The following RCAN2 variants were observed in gnomAD, a reference collection of about 807,000 sequenced individuals.
RCAN2 encodes the protein calcipressin-2.
Under a neutral mutation model 23.6 loss-of-function variants are expected in RCAN2, and 9 were observed. That is an observed-to-expected ratio of 0.38 (90% CI 0.23 to 0.67). The LOEUF (loss-of-function observed/expected upper bound fraction) is 0.67. Ranked by LOEUF, RCAN2 falls within the 30% of genes least tolerant of loss-of-function variation. The probability of loss-of-function intolerance (pLI) is 0.51; values close to 1 mark genes in which losing one functional copy is unlikely to be tolerated. For synonymous variants in RCAN2, 109 were observed against 115.7 expected, an observed-to-expected ratio of 0.94 and a Z score of 0.37; for missense variants, 273 against 302.3, an observed-to-expected ratio of 0.90 and a Z score of 0.72.
chr6:46,343,520 T>G (rs2150374202), intron 2 of RCAN2, among the ~76,000 whole-genome samples: 1 of 151,778 alleles, frequency 6.6e-6, no homozygotes, highest in South Asian at 2.1e-4. Context: ...GGACTACAGG[T>G]GCCCGTCACC....
chr6:46,296,083 GTGTGTGTGTGTGTGTGTGTGTC>G (rs1209707764), intron 2 of RCAN2, among the ~76,000 whole-genome samples: 335 of 151,026 alleles, frequency 2.2e-3, no homozygotes, highest in African/African-American at 5.7e-3. Context: ...GTGTGTGTGT[GTGTGTGTGTGTGTGTGTGTGTC>G]TGTGTGTGTG....
intron 2 of RCAN2, among the ~76,000 whole-genome samples, chr6:46,303,883 T>C (rs1225222840): frequency 6.6e-6 from 1 of 152,134 alleles, no homozygotes; most frequent in African/African-American, 2.4e-5. Flanking sequence ...CTTTTCCACT[T>C]TGGGGCTATT....
At chr6:46,474,535 C>T (rs1397514532) in intron 1 of RCAN2, among the ~76,000 whole-genome samples, 3 of 152,124 alleles carry the variant, frequency 2.0e-5, no homozygotes, top group Non-Finnish European at 2.9e-5. Flanking sequence ...AGAAGACCAC[C>T]TAAGCCGCCA....
At chr6:46,446,909 AAGAG>A (rs1351366224) in intron 2 of RCAN2, among the ~76,000 whole-genome samples, 1 of 152,124 alleles carries the variant, frequency 6.6e-6, no homozygotes, top group Admixed American at 6.5e-5. Flanking sequence ...CTCTCACAGT[AAGAG>A]AGAAAGAAAG....
chr6:46,390,931 C>G (rs6931315), intron 2 of RCAN2, among the ~76,000 whole-genome samples: 405 of 152,288 alleles, frequency 2.7e-3, no homozygotes, highest in African/African-American at 9.0e-3. Context: ...GGTATCACAG[C>G]AGCCAAATGA....
chr6:46,318,092 T>C (rs991288131), intron 2 of RCAN2, among the ~76,000 whole-genome samples: 1 of 152,234 alleles, frequency 6.6e-6, no homozygotes, highest in African/African-American at 2.4e-5. Flanking sequence ...GGAGCTTACA[T>C]TTGTCACCAT....
chr6:46,304,606 A>C (rs1372630777), intron 2 of RCAN2, among the ~76,000 whole-genome samples: 1 of 152,106 alleles, frequency 6.6e-6, no homozygotes, highest in Non-Finnish European at 1.5e-5. Flanking sequence ...TTCAGATATA[A>C]GAGAGGAAAG....
chr6:46,333,075 T>A (rs1764033692), intron 2 of RCAN2, among the ~76,000 whole-genome samples: 1 of 152,236 alleles, frequency 6.6e-6, no homozygotes. Flanking sequence ...ATGAGCATTT[T>A]TTCATGTGTT....
In RCAN2 at chr6:46,238,276, G is replaced by A. The variant is rs546065505; in HGVS notation, c.571+8472C>T. Among the ~76,000 whole-genome samples, 10 of 152,256 alleles carry A rather than the reference G, an allele frequency of 6.6e-5. No homozygotes were observed. In the South Asian group the frequency reaches 1.9e-3, roughly 28 times the overall value. On this transcript the variant is annotated intron_variant, in intron 4 of 4. Coordinates refer to ENST00000371374, the MANE Select transcript of RCAN2 (RefSeq NM_001251974.2). ...CACTCTTCTTTCTGCACACATCGCC[G>A]ACCCCTTACTAGGCGTTCTCTGCCT...
intron 2 of RCAN2, among the ~76,000 whole-genome samples, chr6:46,363,892 A>G (rs956125937): frequency 2.0e-5 from 3 of 152,214 alleles, no homozygotes; most frequent in African/African-American, 7.2e-5. Flanking sequence ...GAATCCAAAG[A>G]GCATACATAT....
intron 2 of RCAN2, among the ~76,000 whole-genome samples, chr6:46,443,937 T>G (rs1767624635): frequency 6.6e-6 from 1 of 152,204 alleles, no homozygotes; most frequent in African/African-American, 2.4e-5. Context: ...TTTATCTCTC[T>G]AAATAATCAG....
intron 2 of RCAN2, among the ~76,000 whole-genome samples, chr6:46,444,761 A>G (rs914412395): frequency 6.6e-6 from 1 of 152,104 alleles, no homozygotes; most frequent in Admixed American, 6.5e-5. Context: ...GGTCCATCCC[A>G]GTAGACCTCA....
intron 2 of RCAN2, among the ~76,000 whole-genome samples, chr6:46,386,611 A>C (rs1455448990): frequency 6.6e-5 from 2 of 30,506 alleles, no homozygotes; most frequent in Non-Finnish European, 7.9e-4. Context: ...TCTGTCTCAC[A>C]AAAAAAAAAA....
chr6:46,316,699 G>A (rs2150359749), intron 2 of RCAN2, among the ~76,000 whole-genome samples: 1 of 152,308 alleles, frequency 6.6e-6, no homozygotes, highest in South Asian at 2.1e-4. Flanking sequence ...GCTTTCTATA[G>A]TGCCTGACAA....
intron 2 of RCAN2, among the ~76,000 whole-genome samples, chr6:46,385,420 T>C (rs1765715330): frequency 6.6e-6 from 1 of 152,174 alleles, no homozygotes; most frequent in Non-Finnish European, 1.5e-5. Flanking sequence ...GAAGCTGAAA[T>C]GCAAAACCTA....
intron 2 of RCAN2, among the ~76,000 whole-genome samples, chr6:46,288,539 A>G (rs1762442355): frequency 6.6e-6 from 1 of 152,252 alleles, no homozygotes; most frequent in Non-Finnish European, 1.5e-5. Context: ...TTGAGGCTAA[A>G]CAGACTAGTA....
intron 2 of RCAN2, among the ~76,000 whole-genome samples, chr6:46,290,188 C>T (rs772037782): frequency 3.3e-5 from 5 of 152,088 alleles, no homozygotes; most frequent in Non-Finnish European, 7.4e-5. Flanking sequence ...AGGTGTCTTT[C>T]TGCAGTGACT....
intron 2 of RCAN2, among the ~76,000 whole-genome samples, chr6:46,408,188 T>A (rs1472034957): frequency 6.6e-6 from 1 of 152,166 alleles, no homozygotes; most frequent in Non-Finnish European, 1.5e-5. Context: ...CCTTCGACAA[T>A]GCTCCTATTA....
chr6:46,292,610 T>C (rs1762604075), intron 2 of RCAN2, among the ~76,000 whole-genome samples: 1 of 152,116 alleles, frequency 6.6e-6, no homozygotes, highest in Non-Finnish European at 1.5e-5. Context: ...TCTTAGGTAA[T>C]AGAAAAATTT....
Sources: allele counts gnomAD v4.1 joint callset (sites outside exome capture counted in the v4.1 genomes callset), GRCh38; gene constraint gnomAD v4.1.1; transcripts MANE v1.5; gene names NCBI Gene and HGNC (gene_info 2026-07-23, HGNC 2026-07-21).